The following CSMD1 variants were observed in gnomAD, a reference collection of about 807,000 sequenced individuals.
CSMD1 encodes the protein CUB and sushi domain-containing protein 1.
Under a neutral mutation model 417.5 loss-of-function variants are expected in CSMD1, and 213 were observed. That is an observed-to-expected ratio of 0.51 (90% CI 0.46 to 0.57). CSMD1 has a LOEUF of 0.57. CSMD1 is among the 20% of genes least tolerant of loss of function. The pLI, the probability that CSMD1 is intolerant of heterozygous loss-of-function variation, is 0.00. For missense variants in CSMD1, 6,923 were observed against 4,529.7 expected, an observed-to-expected ratio of 1.53 and a Z score of -15.17; for synonymous variants, 2,862 against 1,736.8, an observed-to-expected ratio of 1.65 and a Z score of -16.11.
chr8:3,749,449 T>C (rs1046993424), intron 6 of CSMD1, among the ~76,000 whole-genome samples: 2 of 152,200 alleles, frequency 1.3e-5, no homozygotes, highest in Non-Finnish European at 2.9e-5. Context: ...GACTTGATGA[T>C]ATAATTGGAG....
chr8:4,409,662 T>A (rs1458733641), intron 3 of CSMD1, among the ~76,000 whole-genome samples: 18 of 110,678 alleles, frequency 1.6e-4, no homozygotes, highest in African/African-American at 2.7e-4. Flanking sequence ...TTTTTTTTTT[T>A]AACACATAAA....
At chr8:3,399,301 G>A in intron 16 of CSMD1, 90 bp downstream of exon 16, 1 of 1,257,714 alleles carries the variant, frequency 8.0e-7, no homozygotes, top group South Asian at 1.7e-5. Context: ...GAAAAAAACT[G>A]CCATCTTTTT....
At chr8:3,265,868 A>G (rs1463550341) in intron 26 of CSMD1, among the ~76,000 whole-genome samples, 1 of 152,054 alleles carries the variant, frequency 6.6e-6, no homozygotes, top group African/African-American at 2.4e-5. Context: ...GGGAAGAGAA[A>G]AGCGGACTGA....
intron 1 of CSMD1, among the ~76,000 whole-genome samples, chr8:4,841,336 G>T (rs1191194488): frequency 6.6e-6 from 1 of 152,126 alleles, no homozygotes; most frequent in Non-Finnish European, 1.5e-5. Context: ...GCTGGTTTTG[G>T]AACTACTTTA....
rs183793557 is a variant in CSMD1, at chr8:3,443,547, G to A, written c.1561+25165C>T. Among the ~76,000 whole-genome samples the A allele has an allele frequency of 5.2e-4, 79 of 152,312 alleles. No homozygotes were observed. In the South Asian group the frequency reaches 5.4e-3, roughly 10 times the overall value. On this transcript the variant is annotated intron_variant, in intron 12 of 69. Transcript: ENST00000635120. ...TGAACCAGAACAATTCTACAAATTA[G>A]TATTTACAGGGGGAAAGTGAAACAG...
At chr8:3,007,892 G>C (rs1016832614) in intron 52 of CSMD1, among the ~76,000 whole-genome samples, 3 of 151,706 alleles carry the variant, frequency 2.0e-5, no homozygotes, top group Non-Finnish European at 2.9e-5. Flanking sequence ...TGCACAATGT[G>C]CACATGTACC....
intron 12 of CSMD1, among the ~76,000 whole-genome samples, chr8:3,427,894 T>A (rs1460774983): frequency 6.6e-6 from 1 of 152,224 alleles, no homozygotes; most frequent in Non-Finnish European, 1.5e-5. Flanking sequence ...CATCAGTTTA[T>A]GAGCTCAACT....
chr8:3,877,397 C>G (rs1162586112), intron 5 of CSMD1, among the ~76,000 whole-genome samples: 1 of 152,198 alleles, frequency 6.6e-6, no homozygotes, highest in Non-Finnish European at 1.5e-5. Flanking sequence ...ACCGAACCCA[C>G]GTTCCATACA....
chr8:3,846,180 G>C (rs1803490451), intron 5 of CSMD1, among the ~76,000 whole-genome samples: 1 of 152,142 alleles, frequency 6.6e-6, no homozygotes, highest in African/African-American at 2.4e-5. Flanking sequence ...ATAAGTGTAT[G>C]TGCTAGGCTT....
intron 68 of CSMD1, 73 bp downstream of exon 68, chr8:2,949,226 C>A: frequency 1.2e-6 from 1 of 809,130 alleles, no homozygotes; most frequent in Non-Finnish European, 2.0e-6. Flanking sequence ...TCGTCTTTTC[C>A]ATTTCTTCTT....
intron 3 of CSMD1, among the ~76,000 whole-genome samples, chr8:4,188,515 C>T (rs1272989915): frequency 6.6e-6 from 1 of 152,062 alleles, no homozygotes; most frequent in African/African-American, 2.4e-5. Context: ...AGATGACTTG[C>T]AAATAGTTTA....
intron 33 of CSMD1, among the ~76,000 whole-genome samples, chr8:3,192,828 G>A (rs1157481439): frequency 6.6e-6 from 1 of 151,844 alleles, no homozygotes; most frequent in Admixed American, 6.6e-5. Context: ...TTTGAATTTT[G>A]GATATTCAGA....
At chr8:3,349,168 C>T (rs1039502848) in intron 21 of CSMD1, among the ~76,000 whole-genome samples, 2 of 152,314 alleles carry the variant, frequency 1.3e-5, no homozygotes, top group Non-Finnish European at 1.5e-5. Context: ...CAGGTATGTA[C>T]TGAGAGCAGG....
At chr8:3,041,197 G>A (rs556164488) in intron 50 of CSMD1, among the ~76,000 whole-genome samples, 1 of 152,164 alleles carries the variant, frequency 6.6e-6, no homozygotes, top group South Asian at 2.1e-4. Flanking sequence ...ATTTTACAGG[G>A]TTAAAGCAAA....
chr8:4,689,651 G>C (rs996476610), intron 1 of CSMD1, among the ~76,000 whole-genome samples: 4 of 152,264 alleles, frequency 2.6e-5, no homozygotes, highest in East Asian at 1.9e-4. Flanking sequence ...GACTGTATCT[G>C]AGGCACCCAA....
chr8:4,437,046 C>T (rs574097466), intron 2 of CSMD1, among the ~76,000 whole-genome samples: 61 of 152,214 alleles, frequency 4.0e-4, no homozygotes, highest in African/African-American at 1.4e-3. Context: ...AGTGCTTTTT[C>T]CTCAAGGTAA....
At chr8:3,439,281 G>GTGTGTGTATATATATATATATATA (rs1407744154) in intron 12 of CSMD1, among the ~76,000 whole-genome samples, 2 of 54,344 alleles carry the variant, frequency 3.7e-5, no homozygotes, top group Non-Finnish European at 6.5e-5. Context: ...GGCAATGTCA[G>GTGTGTGTATATATATATATATATA]TATATATATA....
chr8:4,352,892 G>C (rs550076548), intron 3 of CSMD1, among the ~76,000 whole-genome samples: 8 of 152,134 alleles, frequency 5.3e-5, no homozygotes, highest in Middle Eastern at 6.3e-3. Context: ...AATTACCTCA[G>C]AAAATGACAC....
chr8:4,777,095 G>C (rs1264030157), intron 1 of CSMD1, among the ~76,000 whole-genome samples: 4 of 152,108 alleles, frequency 2.6e-5, no homozygotes, highest in Admixed American at 2.0e-4. Flanking sequence ...ATCAGTCCTT[G>C]GTAATAATGC....
Sources: gnomAD v4.1 joint callset for allele counts (sites outside exome capture counted in the v4.1 genomes callset) on GRCh38, gnomAD v4.1.1 for gene constraint, MANE v1.5 for transcripts, NCBI Gene and HGNC (gene_info 2026-07-23, HGNC 2026-07-21) for gene names.